The following SLC9A9 variants were observed in gnomAD, a reference collection of about 807,000 sequenced individuals.
SLC9A9 encodes solute carrier family 9 member A9, also known as sodium/hydrogen exchanger 9.
A neutral mutation model predicts 77.8 loss-of-function variants in SLC9A9; 62 were observed. The ratio of observed to expected loss-of-function variants is 0.80; its 90% CI spans 0.65 to 0.98. SLC9A9 has a LOEUF of 0.98. SLC9A9 is among the 50% of genes least tolerant of loss of function. SLC9A9 has a pLI of 0.00. For synonymous variants in SLC9A9, 320 were observed against 283.5 expected (o/e 1.13, Z -1.29); for missense variants, 775 against 774.9 (o/e 1.00, Z 0.00).
At chr3:143,424,705 A>T (rs2034371876) in intron 12 of SLC9A9, among the ~76,000 whole-genome samples, 1 of 152,200 alleles carries the variant, frequency 6.6e-6, no homozygotes, top group Admixed American at 6.5e-5. Context: ...ATAAAAAGTT[A>T]TCTTCCCAAG....
intron 14 of SLC9A9, among the ~76,000 whole-genome samples, chr3:143,336,883 G>A (rs986949390): frequency 1.1e-4 from 17 of 152,022 alleles, no homozygotes; most frequent in Admixed American, 9.2e-4. Context: ...TAATTTTTAC[G>A]TGCTTTTTAC....
At chr3:143,754,490 A>G (rs922133241) in intron 4 of SLC9A9, among the ~76,000 whole-genome samples, 7 of 152,180 alleles carry the variant, frequency 4.6e-5, no homozygotes, top group African/African-American at 1.7e-4. Context: ...ATTATTTATG[A>G]AAAGCATCTG....
At chr3:143,303,026 T>G (rs1486349044) in intron 14 of SLC9A9, among the ~76,000 whole-genome samples, 1 of 152,180 alleles carries the variant, frequency 6.6e-6, no homozygotes, top group Non-Finnish European at 1.5e-5. Flanking sequence ...GCCCTTCCCC[T>G]GCAGAGGGAC....
rs11276600 is a variant in SLC9A9, at chr3:143,428,262, C to CCTGAATAGACATTCTGAATAGACATT, written c.1469+38749_1469+38774dup. 3.2e-3 allele frequency among the ~76,000 whole-genome samples: 483 copies of CCTGAATAGACATTCTGAATAGACATT among 151,094 alleles called. 3 individuals carry two copies. The highest frequency in any genetic ancestry group is 0.011 in the African/African-American group (468 of 41,170). ...AATCTGATTAAAAATGGATAAAAGA[C>CCTGAATAGACATTCTGAATAGACATT]CTGAATAGACATTCTGAATAGACAT... On this transcript the variant is annotated intron_variant, in intron 12 of 15. Coordinates refer to ENST00000316549, the MANE Select transcript of SLC9A9 (RefSeq NM_173653.4).
intron 1 of SLC9A9, among the ~76,000 whole-genome samples, chr3:143,842,022 T>C (rs548294613): frequency 6.6e-6 from 1 of 152,200 alleles, no homozygotes; most frequent in African/African-American, 2.4e-5. Flanking sequence ...CCCAAAGTGC[T>C]GGGATTACAG....
rs80287383 is a variant in SLC9A9, at chr3:143,712,713, T to C, written c.534-19406A>G. Among the ~76,000 whole-genome samples, 908 of 151,862 alleles carry C rather than the reference T, an allele frequency of 6.0e-3. 12 individuals are homozygous for C. Among genetic ancestry groups the C allele is most frequent in the African/African-American group, 0.021 (857 of 41,110 alleles). ...TCTTTGGGAAACACAAAAGATGACT[T>C]AGCATTAGCCATCTCCCTCAAAGAA... On this transcript the variant is annotated intron_variant, in intron 4 of 15. Coordinates refer to ENST00000316549, the MANE Select transcript of SLC9A9 (RefSeq NM_173653.4).
At chr3:143,811,063 C>T (rs1408856813) in intron 2 of SLC9A9, among the ~76,000 whole-genome samples, 1 of 152,128 alleles carries the variant, frequency 6.6e-6, no homozygotes. Context: ...CCTGCCTCCC[C>T]CGGGGGCAGT....
At chr3:143,626,426 T>A (rs1482789474) in intron 6 of SLC9A9, among the ~76,000 whole-genome samples, 2 of 152,212 alleles carry the variant, frequency 1.3e-5, no homozygotes, top group East Asian at 3.9e-4. Context: ...CCATGGAATA[T>A]TATGCAGCCA....
At chr3:143,361,140 T>C (rs1259845636) in intron 14 of SLC9A9, among the ~76,000 whole-genome samples, 1 of 152,254 alleles carries the variant, frequency 6.6e-6, no homozygotes, top group Non-Finnish European at 1.5e-5. Context: ...TCTATATGTA[T>C]ATGATATGTA....
intron 4 of SLC9A9, among the ~76,000 whole-genome samples, chr3:143,702,749 C>T (rs1933839694): frequency 6.6e-6 from 1 of 151,466 alleles, no homozygotes. Context: ...ACTAAAGTCT[C>T]CAAAAAAAGA....
At chr3:143,530,350 C>T (rs1181583619) in intron 9 of SLC9A9, among the ~76,000 whole-genome samples, 1 of 152,068 alleles carries the variant, frequency 6.6e-6, no homozygotes, top group Non-Finnish European at 1.5e-5. Context: ...GAATAAGTCT[C>T]ACGAGAACTG....
intron 6 of SLC9A9, among the ~76,000 whole-genome samples, chr3:143,617,710 C>T (rs58490487): frequency 0.041 from 6,311 of 152,226 alleles, 241 homozygotes; most frequent in African/African-American, 0.1. Flanking sequence ...TCCATTTTCC[C>T]GTTGTCCTTC....
intron 14 of SLC9A9, among the ~76,000 whole-genome samples, chr3:143,288,642 A>G (rs544095006): frequency 5.9e-5 from 9 of 152,276 alleles, no homozygotes; most frequent in African/African-American, 2.2e-4. Flanking sequence ...GCCTCCTCCT[A>G]CAGCACCATC....
At chr3:143,311,159 C>T (rs1410882143) in intron 14 of SLC9A9, among the ~76,000 whole-genome samples, 1 of 152,138 alleles carries the variant, frequency 6.6e-6, no homozygotes, top group African/African-American at 2.4e-5. Context: ...ATCAGTTGGC[C>T]CTTGCTCAAT....
intron 1 of SLC9A9, among the ~76,000 whole-genome samples, chr3:143,846,492 C>T (rs1422653078): frequency 6.6e-6 from 1 of 152,070 alleles, no homozygotes; most frequent in Admixed American, 6.5e-5. Flanking sequence ...TTTTGTTTGG[C>T]TATTTCTCTC....
At chr3:143,801,787 G>A (rs1043002101) in intron 2 of SLC9A9, among the ~76,000 whole-genome samples, 2 of 152,002 alleles carry the variant, frequency 1.3e-5, no homozygotes, top group Admixed American at 6.6e-5. Flanking sequence ...GCCTTAACTC[G>A]GGCCCTCACT....
chr3:143,742,190 T>C (rs1160063211), intron 4 of SLC9A9, among the ~76,000 whole-genome samples: 1 of 151,988 alleles, frequency 6.6e-6, no homozygotes, highest in African/African-American at 2.4e-5. Flanking sequence ...ACCCAGGAAC[T>C]GACTCAGCTC....
chr3:143,282,369 T>C (rs952419923), intron 14 of SLC9A9, among the ~76,000 whole-genome samples: 1 of 152,252 alleles, frequency 6.6e-6, no homozygotes, highest in African/African-American at 2.4e-5. Context: ...CAGACTTTTA[T>C]CTTTGCATGT....
intron 11 of SLC9A9, among the ~76,000 whole-genome samples, chr3:143,468,605 A>G (rs2035324026): frequency 6.6e-6 from 1 of 152,214 alleles, no homozygotes; most frequent in East Asian, 1.9e-4. Flanking sequence ...TATTGGCTGT[A>G]TATACAAAAG....
Sources: gnomAD v4.1 joint callset for allele counts (sites outside exome capture counted in the v4.1 genomes callset) on GRCh38, gnomAD v4.1.1 for gene constraint, MANE v1.5 for transcripts, NCBI Gene and HGNC (gene_info 2026-07-23, HGNC 2026-07-21) for gene names.